CNTLN: variants seen among roughly 807,000 people sequenced by gnomAD.
CNTLN encodes the protein centlein, centrosomal protein.
A neutral mutation model predicts 180.0 loss-of-function variants in CNTLN; 212 were observed. That is an observed-to-expected ratio of 1.18 (90% confidence interval 1.05 to 1.32). The LOEUF (loss-of-function observed/expected upper bound fraction) is 1.32, where lower values mean the gene tolerates loss of function less well. Among genes scored for constraint, CNTLN ranks in the 40% most tolerant of loss-of-function variants. CNTLN has a pLI of 0.00. For synonymous variants in CNTLN, 722 were observed against 563.1 expected (o/e 1.28, Z -3.99); for missense variants, 2,095 against 1,610.9 (o/e 1.30, Z -5.14).
At chr9:17,310,882 AT>A (rs1241757380) in intron 8 of CNTLN, among the ~76,000 whole-genome samples, 6 of 151,786 alleles carry the variant, frequency 4.0e-5, no homozygotes, top group Admixed American at 2.0e-4. Flanking sequence ...CTTCTATTGG[AT>A]TTTTTCTTAC....
the CNTLN span, among the ~76,000 whole-genome samples, chr9:17,518,529 A>C: frequency 6.6e-6 from 1 of 152,146 alleles, no homozygotes; most frequent in African/African-American, 2.4e-5. Context: ...CAACTGAAAT[A>C]TTATCTGATA....
chr9:17,435,455 C>G (rs753366803), intron 18 of CNTLN, among the ~76,000 whole-genome samples: 17 of 151,958 alleles, frequency 1.1e-4, no homozygotes, highest in Non-Finnish European at 1.6e-4. Context: ...GTCACAATGG[C>G]TGTTAAGACT....
intron 12 of CNTLN, among the ~76,000 whole-genome samples, chr9:17,363,276 T>C (rs1823548747): frequency 6.6e-6 from 1 of 152,206 alleles, no homozygotes; most frequent in Non-Finnish European, 1.5e-5. Context: ...TTTCTGGTTC[T>C]AGATCCTTGA....
intron 8 of CNTLN, among the ~76,000 whole-genome samples, chr9:17,320,772 G>C (rs1271589505): frequency 2.0e-5 from 3 of 152,112 alleles, no homozygotes; most frequent in Admixed American, 2.0e-4. Flanking sequence ...CAAAGCGCTG[G>C]GATTACAGGC....
chr9:17,489,224 CTTTTTTTAGAGTCTGAGTT>C (rs1280675103), intron 25 of CNTLN, among the ~76,000 whole-genome samples: 3 of 151,864 alleles, frequency 2.0e-5, no homozygotes, highest in Non-Finnish European at 4.4e-5. Context: ...GCCCACCAGC[CTTTTTTTAGAGTCTGAGTT>C]ACACTCACAG....
intron 19 of CNTLN, among the ~76,000 whole-genome samples, chr9:17,461,935 T>C (rs993202671): frequency 6.6e-6 from 1 of 151,768 alleles, no homozygotes; most frequent in Non-Finnish European, 1.5e-5. Flanking sequence ...CCACCTCTGG[T>C]TCCTAGGCTC....
chr9:17,204,105 C>G (rs1451567111), intron 2 of CNTLN, among the ~76,000 whole-genome samples: 1 of 152,192 alleles, frequency 6.6e-6, no homozygotes, highest in Non-Finnish European at 1.5e-5. Flanking sequence ...TGGGTTAGAA[C>G]ATGTTCCTTT....
intron 8 of CNTLN, among the ~76,000 whole-genome samples, chr9:17,310,159 C>A (rs914839383): frequency 4.6e-5 from 7 of 152,056 alleles, no homozygotes; most frequent in African/African-American, 1.7e-4. Flanking sequence ...ACCAACTTAT[C>A]CAAAGACTAG....
At chr9:17,244,213 TTTTTG>T (rs201406740) in intron 5 of CNTLN, among the ~76,000 whole-genome samples, 3,302 of 131,134 alleles carry the variant, frequency 0.025, 87 homozygotes, top group African/African-American at 0.074. Context: ...TAGGTTTTTG[TTTTTG>T]TTTTTTTTTT....
chr9:17,498,593 G>C (rs1226219111), intron 25 of CNTLN, among the ~76,000 whole-genome samples: 2 of 152,118 alleles, frequency 1.3e-5, no homozygotes, highest in Admixed American at 1.3e-4. Context: ...AAATTTCTAT[G>C]CCAAGAAATT....
intron 2 of CNTLN, among the ~76,000 whole-genome samples, chr9:17,176,703 T>C (rs551377921): frequency 1.4e-4 from 22 of 152,358 alleles, no homozygotes; most frequent in African/African-American, 5.0e-4. Flanking sequence ...TAGTAAATTA[T>C]CTGAACCTGG....
intron 23 of CNTLN, among the ~76,000 whole-genome samples, chr9:17,479,690 C>G (rs1430152096): frequency 6.6e-6 from 1 of 151,730 alleles, no homozygotes; most frequent in Non-Finnish European, 1.5e-5. Context: ...AGTATTCTTA[C>G]CACAATAAAA....
chr9:17,215,580 G>T (rs1274876990), intron 2 of CNTLN, among the ~76,000 whole-genome samples: 1 of 152,200 alleles, frequency 6.6e-6, no homozygotes, highest in Non-Finnish European at 1.5e-5. Context: ...CTTCAAAGCT[G>T]TCAGACAGGG....
intron 5 of CNTLN, among the ~76,000 whole-genome samples, chr9:17,268,851 T>G (rs200179126): frequency 6.6e-6 from 1 of 151,502 alleles, no homozygotes; most frequent in African/African-American, 2.4e-5. Flanking sequence ...CAGGTGCGGG[T>G]TATAATCTGG....
At chr9:17,385,034 G>A (rs1481829649) in intron 13 of CNTLN, among the ~76,000 whole-genome samples, 1 of 152,132 alleles carries the variant, frequency 6.6e-6, no homozygotes, top group Non-Finnish European at 1.5e-5. Flanking sequence ...GGGTTCCCAG[G>A]AGCCCTTCCT....
In CNTLN at chr9:17,298,012, T is replaced by C. The variant is rs547760048; in HGVS notation, c.984-178T>C. Among the ~76,000 whole-genome samples, 11 of 152,366 alleles carry C rather than the reference T, an allele frequency of 7.2e-5. 1 individual carries two copies. The highest frequency in any genetic ancestry group is 2.6e-4 in the African/African-American group (11 of 41,598). On this transcript the variant is annotated intron_variant, in intron 6 of 25. Transcript: ENST00000380647. ...AGTCATAGTCGTTGTATCAATACTT[T>C]CTGTGTGTATGTGATAAATATTAAA...
At chr9:17,390,880 G>A (rs75938007) in intron 14 of CNTLN, among the ~76,000 whole-genome samples, 2,434 of 152,062 alleles carry the variant, frequency 0.016, 35 homozygotes, top group Non-Finnish European at 0.028. Context: ...TTCATATTAG[G>A]AAGTTAACAG....
chr9:17,525,250 C>A, the CNTLN span, among the ~76,000 whole-genome samples: 2 of 151,774 alleles, frequency 1.3e-5, no homozygotes, highest in East Asian at 1.9e-4. Flanking sequence ...AAAAAAAAAA[C>A]CTTTCAGTCA....
intron 2 of CNTLN, among the ~76,000 whole-genome samples, chr9:17,185,354 A>G (rs1821363492): frequency 6.6e-6 from 1 of 152,226 alleles, no homozygotes; most frequent in South Asian, 2.1e-4. Context: ...GGCTCCAAAC[A>G]AACATGACAT....
Sources: gnomAD v4.1 joint callset for allele counts (sites outside exome capture counted in the v4.1 genomes callset) on GRCh38, gnomAD v4.1.1 for gene constraint, MANE v1.5 for transcripts, NCBI Gene and HGNC (gene_info 2026-07-23, HGNC 2026-07-21) for gene names.